Variants in ATCAY observed in about 807,000 individuals in gnomAD.
The protein encoded by ATCAY is ATCAY kinesin light chain interacting caytaxin, also known as caytaxin.
ATCAY carries 22 observed loss-of-function variants against 47.7 expected under a neutral mutation model. That is an observed-to-expected ratio of 0.46 (90% CI 0.33 to 0.66). The LOEUF is 0.66. ATCAY is among the 30% of genes least tolerant of loss of function. The pLI is 0.02. For missense variants in ATCAY, 452 were observed against 515.0 expected (o/e 0.88, Z 1.18); for synonymous variants, 216 against 207.6 (o/e 1.04, Z -0.35).
At chr19:3,910,943 G>T in intron 8 of ATCAY, 54 bp downstream of exon 8, 1 of 1,561,724 alleles carries the variant, frequency 6.4e-7, no homozygotes, top group Non-Finnish European at 8.8e-7. Context: ...GCGTGTGTGC[G>T]TGTGTGTATG....
Position 3,925,350 on chromosome 19 carries a change from C to G in ATCAY, c.*758C>G, listed in dbSNP as rs116954582. ...AGCCACCGGGCAAACCCCGTCAATACCTCCCACCAAGGAATGAGATATGTG... is the reference window on the plus strand; with the variant it reads ...AGCCACCGGGCAAACCCCGTCAATAGCTCCCACCAAGGAATGAGATATGTG... On this transcript the variant is annotated 3_prime_UTR_variant, in exon 13 of 13. Transcript: ENST00000450849. The surrounding 1 kb of genome is among the most constrained non-coding windows in gnomAD (Gnocchi z 4.4). 5 of 152,346 alleles carry G rather than the reference C, an allele frequency of 3.3e-5. No homozygotes were observed. The highest frequency in any genetic ancestry group is 2.6e-4 in the Admixed American group (4 of 15,284). The allele number at this position is 152,346 out of a possible 1,614,324, so 9.4% of individuals were successfully genotyped here.
intron 10 of ATCAY, 149 bp from the exon 11 acceptor site, chr19:3,918,657 C>T: frequency 5.5e-6 from 4 of 727,494 alleles, no homozygotes; most frequent in Non-Finnish European, 8.9e-6. Flanking sequence ...CAGAAGTTTT[C>T]TCAAATAGCA....
chr19:3,887,775 C>T (rs1408892502), intron 2 of ATCAY, among the ~76,000 whole-genome samples: 18 of 148,268 alleles, frequency 1.2e-4, no homozygotes, highest in Non-Finnish European at 2.2e-4. Context: ...CGTGAGCCAT[C>T]GCGCCCTACC....
chr19:3,903,813 C>T (rs139837999), intron 3 of ATCAY, among the ~76,000 whole-genome samples: 1,589 of 151,044 alleles, frequency 0.011, 42 homozygotes, highest in African/African-American at 0.036. Context: ...GCGTGAGCCA[C>T]TGCACCCGGC....
At chr19:3,918,562 A>AAT (rs559062281) in intron 10 of ATCAY, among the ~76,000 whole-genome samples, 1 of 150,978 alleles carries the variant, frequency 6.6e-6, no homozygotes. Context: ...CTCAAAAAAA[A>AAT]AAACAAAAAA....
rs141962839 is a variant in ATCAY, at chr19:3,916,716, A to G, written c.966-1026A>G. ...TCACCATGTTGGCCTGGCTGGTCTC[A>G]AACTCCCCACCTCAGCCTCCCAAAG... On this transcript the variant is annotated intron_variant, in intron 9 of 12. Transcript: ENST00000450849. Among the ~76,000 whole-genome samples, 283 of 151,752 alleles carry G rather than the reference A, an allele frequency of 1.9e-3. 1 individual carries two copies. Among genetic ancestry groups the G allele is most frequent in the African/African-American group, 6.2e-3 (257 of 41,362 alleles).
chr19:3,922,451 A>G (rs973787285), intron 12 of ATCAY, among the ~76,000 whole-genome samples: 1 of 152,148 alleles, frequency 6.6e-6, no homozygotes, highest in Non-Finnish European at 1.5e-5. Flanking sequence ...AGAACTCACT[A>G]CCACGAGAAC....
At chr19:3,922,644 T>C (rs981405941) in intron 12 of ATCAY, among the ~76,000 whole-genome samples, 5 of 152,058 alleles carry the variant, frequency 3.3e-5, no homozygotes, top group Non-Finnish European at 7.4e-5. Flanking sequence ...GCTCCAAGAG[T>C]TTAGAAGTTA....
intron 2 of ATCAY, among the ~76,000 whole-genome samples, chr19:3,894,775 C>T (rs1253627378): frequency 6.6e-6 from 1 of 151,556 alleles, no homozygotes; most frequent in Non-Finnish European, 1.5e-5. Flanking sequence ...ACAGTAAGAC[C>T]CTGTCTCTAC....
At chr19:3,909,157 A>T (rs2038899690) in intron 6 of ATCAY, among the ~76,000 whole-genome samples, 2 of 138,378 alleles carry the variant, frequency 1.4e-5, no homozygotes, top group Non-Finnish European at 3.1e-5. Flanking sequence ...GAATGGCGTG[A>T]ACCTGGGAGG....
intron 10 of ATCAY, 32 bp downstream of exon 10, chr19:3,917,809 G>T (rs368207414): frequency 1.9e-6 from 3 of 1,604,926 alleles, no homozygotes; most frequent in Non-Finnish European, 2.6e-6. Context: ...CTGGGGCTGG[G>T]TCGGGGCAGC....
At chr19:3,918,093 G>A (rs982201923) in intron 10 of ATCAY, among the ~76,000 whole-genome samples, 11 of 152,126 alleles carry the variant, frequency 7.2e-5, no homozygotes, top group East Asian at 5.8e-4. Flanking sequence ...AAGTCAAGAC[G>A]GGCGCGGTGG....
chr19:3,888,543 C>T (rs1027471413), intron 2 of ATCAY, among the ~76,000 whole-genome samples: 7 of 151,756 alleles, frequency 4.6e-5, no homozygotes, highest in African/African-American at 1.7e-4. Context: ...GGCAGGAAAA[C>T]TGCTGGAACT....
rs1409175685 is a variant in ATCAY at position 3,909,527 on chromosome 19, A to G, written c.689A>G (p.Tyr230Cys). ...TTAGAGCTCCTGGTGGCTGAGGACTACATGATCGTGTACCTGAACGGTGCC... is the reference window on the plus strand; with the variant it reads ...TTAGAGCTCCTGGTGGCTGAGGACTGCATGATCGTGTACCTGAACGGTGCC... ...SSLELLVAED[Y>C]MIVYLNGATP... is the part of the protein sequence containing the mutation. Residue 230 changes from tyrosine (Y) to cysteine (C), a missense_variant, in exon 7 of 13, where the codon TAC becomes TGC. Physicochemically the swap from Tyr to Cys is radical, Grantham distance 194. Transcript: ENST00000450849. 1 of 1,613,788 alleles carries G rather than the reference A, an allele frequency of 6.2e-7. No individual in the cohort carries two copies. Among genetic ancestry groups the G allele is most frequent in the African/African-American group, 1.3e-5 (1 of 74,936 alleles).
chr19:3,923,237 GTTCAC>G (rs2039035167), intron 12 of ATCAY, among the ~76,000 whole-genome samples: 1 of 152,178 alleles, frequency 6.6e-6, no homozygotes, highest in Admixed American at 6.6e-5. Flanking sequence ...CTGGAGATGA[GTTCAC>G]ATATACAGAC....
chr19:3,922,099 G>C (rs2039026025), intron 12 of ATCAY: 1 of 698,786 alleles, frequency 1.4e-6, no homozygotes. Context: ...TTTCTAGCCA[G>C]GGTGTTTATA....
intron 2 of ATCAY, among the ~76,000 whole-genome samples, chr19:3,899,368 CA>C (rs1438830665): frequency 7.4e-6 from 1 of 135,816 alleles, no homozygotes; most frequent in Non-Finnish European, 1.5e-5. Context: ...GGCTGGAGTG[CA>C]ATGGCACGAT....
At chr19:3,918,723 A>G (rs11667520) in intron 10 of ATCAY, 83 bp from the exon 11 acceptor site, 761,009 of 1,457,280 alleles carry the variant, frequency 0.52, 207,892 homozygotes, top group East Asian at 0.93. Context: ...CAGGAAAACC[A>G]GAGAGGCCAG....
intron 5 of ATCAY, 139 bp from the exon 6 acceptor site, chr19:3,908,129 C>A: frequency 9.9e-7 from 1 of 1,012,082 alleles, no homozygotes; most frequent in Non-Finnish European, 1.5e-6. Context: ...CAGAGACTGG[C>A]TAAGGGGTCG....
Sources: gnomAD v4.1 joint callset for allele counts (sites outside exome capture counted in the v4.1 genomes callset) on GRCh38, gnomAD v4.1.1 for gene constraint, Gnocchi (gnomAD v3.1) non-coding constraint, MANE v1.5 for transcripts, NCBI Gene and HGNC (gene_info 2026-07-23, HGNC 2026-07-21) for gene names.